Variants in PCDH9 observed in about 807,000 individuals in gnomAD.
PCDH9 encodes the protein protocadherin-9.
In PCDH9, 24 loss-of-function variants were observed where a neutral mutation model predicts 70.6. The ratio of observed to expected loss-of-function variants is 0.34; its 90% CI spans 0.25 to 0.48. PCDH9 has a LOEUF of 0.48. PCDH9 is among the 20% of genes least tolerant of loss of function. The probability of loss-of-function intolerance (pLI) is 0.99; values close to 1 mark genes in which losing one functional copy is unlikely to be tolerated. For synonymous variants in PCDH9, 562 were observed against 558.5 expected, an observed-to-expected ratio of 1.01 and a Z score of -0.09; for missense variants, 1,281 against 1,503.6, an observed-to-expected ratio of 0.85 and a Z score of 2.45.
At chr13:66,392,885 T>C (rs1454545316) in intron 4 of PCDH9, among the ~76,000 whole-genome samples, 4 of 150,692 alleles carry the variant, frequency 2.7e-5, no homozygotes, top group Admixed American at 6.6e-5. Context: ...CATGGGCATT[T>C]GCTTTTTTTT....
intron 3 of PCDH9, among the ~76,000 whole-genome samples, chr13:66,754,672 T>C (rs1475934594): frequency 6.6e-6 from 1 of 152,074 alleles, no homozygotes; most frequent in Non-Finnish European, 1.5e-5. Flanking sequence ...AGTAAATATG[T>C]CAACAAGATG....
At chr13:66,873,878 G>T in intron 3 of PCDH9, among the ~76,000 whole-genome samples, 1 of 149,610 alleles carries the variant, frequency 6.7e-6, no homozygotes, top group African/African-American at 2.5e-5. Context: ...CTAATTTAAG[G>T]TCAATCACAT....
At chr13:66,583,394 C>T (rs561847837) in intron 4 of PCDH9, among the ~76,000 whole-genome samples, 1 of 152,080 alleles carries the variant, frequency 6.6e-6, no homozygotes, top group Non-Finnish European at 1.5e-5. Flanking sequence ...AGGTGGATCA[C>T]GAGGTCAGGA....
chr13:67,080,067 A>G (rs1302393858), intron 2 of PCDH9, among the ~76,000 whole-genome samples: 1 of 152,176 alleles, frequency 6.6e-6, no homozygotes, highest in Non-Finnish European at 1.5e-5. Context: ...TGAAATGCAT[A>G]AAATCAAGCT....
chr13:66,440,892 T>C (rs1367113942), intron 4 of PCDH9, among the ~76,000 whole-genome samples: 1 of 152,168 alleles, frequency 6.6e-6, no homozygotes, highest in Admixed American at 6.6e-5. Flanking sequence ...TGTCTTGTTT[T>C]CAAAATATGG....
chr13:66,819,029 G>T (rs955808988), intron 3 of PCDH9, among the ~76,000 whole-genome samples: 1 of 151,932 alleles, frequency 6.6e-6, no homozygotes, highest in African/African-American at 2.4e-5. Flanking sequence ...ACTTAAAATG[G>T]GTGTCAATAT....
chr13:66,428,243 A>G (rs1316363070), intron 4 of PCDH9, among the ~76,000 whole-genome samples: 1 of 151,750 alleles, frequency 6.6e-6, no homozygotes, highest in Non-Finnish European at 1.5e-5. Context: ...AAAGATACAA[A>G]CAAACATCCC....
At chr13:66,969,318 A>T (rs1160203667) in intron 2 of PCDH9, among the ~76,000 whole-genome samples, 1 of 151,974 alleles carries the variant, frequency 6.6e-6, no homozygotes, top group African/African-American at 2.4e-5. Flanking sequence ...AGAGCCTCAA[A>T]AAGTGAATGT....
intron 2 of PCDH9, among the ~76,000 whole-genome samples, chr13:67,055,879 A>AC (rs1420090705): frequency 6.6e-6 from 1 of 152,094 alleles, no homozygotes; most frequent in Non-Finnish European, 1.5e-5. Flanking sequence ...AGGGCCAGGG[A>AC]CGGTGGCTTA....
chr13:66,964,462 C>G lies in PCDH9; in HGVS notation c.3037-60857G>C, dbSNP rs542244419. 3.3e-5 allele frequency among the ~76,000 whole-genome samples: 5 copies of G among 152,030 alleles called. No individual in the cohort carries two copies. In the South Asian group the frequency reaches 6.2e-4, roughly 19 times the overall value. On this transcript the variant is annotated intron_variant, in intron 2 of 4. Transcript: ENST00000377865. ...ATTGCATTCCTTGGCTTTGATCTAC[C>G]AGGTCACTGTCAAATTCTCTACATT... is the stretch of plus-strand genomic sequence containing the variant.
intron 4 of PCDH9, among the ~76,000 whole-genome samples, chr13:66,444,047 T>G (rs1485612946): frequency 6.6e-6 from 1 of 152,168 alleles, no homozygotes; most frequent in Non-Finnish European, 1.5e-5. Flanking sequence ...CTCTAATCCC[T>G]GGCTAGTTCA....
intron 3 of PCDH9, among the ~76,000 whole-genome samples, chr13:66,809,109 G>A (rs1265428890): frequency 2.0e-5 from 3 of 151,972 alleles, no homozygotes; most frequent in African/African-American, 4.8e-5. Context: ...CACCACGCTC[G>A]ACTAATTTTT....
intron 4 of PCDH9, among the ~76,000 whole-genome samples, chr13:66,562,094 G>A (rs1482908508): frequency 6.6e-6 from 1 of 152,002 alleles, no homozygotes; most frequent in Non-Finnish European, 1.5e-5. Flanking sequence ...CTTAAGAGCT[G>A]TAACACTCAC....
chr13:66,753,260 G>A lies in PCDH9; in HGVS notation c.3139-121849C>T, dbSNP rs189556809. Among the ~76,000 whole-genome samples the A allele has an allele frequency of 4.4e-4, 67 of 152,050 alleles. No homozygotes were observed. The East Asian group carries it at 0.012, about 27-fold the overall frequency. ...TAGTTGATTCTCAACATAACACAAC[G>A]TTATAGCTAGATAGGAATAATAAGT... On this transcript the variant is annotated intron_variant, in intron 3 of 4. Transcript: ENST00000377865.
At chr13:67,048,123 C>T (rs2085257310) in intron 2 of PCDH9, among the ~76,000 whole-genome samples, 1 of 152,140 alleles carries the variant, frequency 6.6e-6, no homozygotes, top group Admixed American at 6.6e-5. Flanking sequence ...AGTGAAATTG[C>T]TTTATCCCTA....
chr13:67,203,982 T>C (rs554862131), intron 2 of PCDH9: 38 of 152,102 alleles, frequency 2.5e-4, no homozygotes, highest in African/African-American at 8.9e-4. Flanking sequence ...CTCAATATAT[T>C]GGGGTTAAAA....
At chr13:66,547,913 A>G (rs1961283426) in intron 4 of PCDH9, among the ~76,000 whole-genome samples, 1 of 147,264 alleles carries the variant, frequency 6.8e-6, no homozygotes, top group Non-Finnish European at 1.5e-5. Context: ...ATAATAATAT[A>G]TTTAATCATA....
At chr13:67,186,535 G>T (rs1489483784) in intron 2 of PCDH9, among the ~76,000 whole-genome samples, 1 of 152,120 alleles carries the variant, frequency 6.6e-6, no homozygotes, top group Non-Finnish European at 1.5e-5. Flanking sequence ...AATGCTTCTG[G>T]TTCATGGGTA....
At chr13:67,071,215 T>C (rs2085755974) in intron 2 of PCDH9, among the ~76,000 whole-genome samples, 1 of 152,202 alleles carries the variant, frequency 6.6e-6, no homozygotes, top group Admixed American at 6.5e-5. Context: ...TCCTTTTTTC[T>C]CTTTCATGCT....
Sources: allele counts gnomAD v4.1 joint callset (sites outside exome capture counted in the v4.1 genomes callset), GRCh38; gene constraint gnomAD v4.1.1; transcripts MANE v1.5; gene names NCBI Gene and HGNC (gene_info 2026-07-23, HGNC 2026-07-21).